Variants in PLD1 observed in about 807,000 individuals in gnomAD.
The protein encoded by PLD1 is choline phosphatase 1.
Under a neutral mutation model 137.1 loss-of-function variants are expected in PLD1, and 112 were observed. That is an observed-to-expected ratio of 0.82 (90% confidence interval 0.70 to 0.96). PLD1 has a LOEUF of 0.96. PLD1 is among the 40% of genes least tolerant of loss of function. The pLI is 0.00. For missense variants in PLD1, 1,321 were observed against 1,342.0 expected (o/e 0.98, Z 0.24); for synonymous variants, 431 against 454.7 (o/e 0.95, Z 0.66).
intron 11 of PLD1, among the ~76,000 whole-genome samples, chr3:171,705,211 A>G (rs1716587389): frequency 6.6e-6 from 1 of 152,224 alleles, no homozygotes; most frequent in African/African-American, 2.4e-5. Context: ...GAAGGAGGAG[A>G]GAAAGAGGAA....
At chr3:171,620,135 T>C (rs1733464892) in intron 24 of PLD1, among the ~76,000 whole-genome samples, 4 of 152,330 alleles carry the variant, frequency 2.6e-5, no homozygotes, top group African/African-American at 7.2e-5. Flanking sequence ...GTGATTGTTA[T>C]ACATTGTATG....
At position 171,642,356 on chromosome 3, in the gene PLD1, C is replaced by T. The variant is rs571832914; in HGVS notation, c.2593+484G>A. Among the ~76,000 whole-genome samples, 283 of 148,946 alleles carry T rather than the reference C, an allele frequency of 1.9e-3. 1 individual carries two copies. Among genetic ancestry groups the T allele is most frequent in the African/African-American group, 6.8e-3 (274 of 40,118 alleles). On this transcript the variant is annotated intron_variant, in intron 23 of 26. Transcript: ENST00000351298. ...CCTGTAATCCCAGCTACTCGGGAGGCTGAGGCAAAAGAACTGCTTGAACCC... is the reference window on the plus strand; with the variant it reads ...CCTGTAATCCCAGCTACTCGGGAGGTTGAGGCAAAAGAACTGCTTGAACCC...
chr3:171,614,496 T>C (rs1018019787), intron 24 of PLD1, among the ~76,000 whole-genome samples: 1 of 152,234 alleles, frequency 6.6e-6, no homozygotes, highest in Admixed American at 6.5e-5. Context: ...ATTTACAAGC[T>C]GCTCTACAAA....
intron 24 of PLD1, among the ~76,000 whole-genome samples, chr3:171,617,149 C>G (rs1410063600): frequency 6.6e-6 from 1 of 152,188 alleles, no homozygotes; most frequent in Non-Finnish European, 1.5e-5. Context: ...AAATAAGAAC[C>G]AGGCATTGGT....
Position 171,709,650 on chromosome 3 carries a change from T to G in PLD1, c.971A>C (p.Glu324Ala), listed in dbSNP as rs138886146. 2 of 1,614,112 alleles carry G rather than the reference T, an allele frequency of 1.2e-6. No homozygotes were observed. Among genetic ancestry groups the G allele is most frequent in the African/African-American group, 1.3e-5 (1 of 75,064 alleles). ...RHARWWGGAI[E>A]EFIQKHGTNF... ...GGTGCCATGTTTCTGGATGAATTCTTCTATAGCCCCTCCCCACCACCGAGC... is the reference window on the plus strand; with the variant it reads ...GGTGCCATGTTTCTGGATGAATTCTGCTATAGCCCCTCCCCACCACCGAGC... Residue 324 changes from glutamate (E) to alanine (A), a missense_variant, in exon 10 of 27, where the codon GAA becomes GCA. Coordinates refer to ENST00000351298, the MANE Select transcript of PLD1 (RefSeq NM_002662.5).
chr3:171,610,112 A>G (rs1732533914), intron 25 of PLD1, among the ~76,000 whole-genome samples: 1 of 152,180 alleles, frequency 6.6e-6, no homozygotes, highest in African/African-American at 2.4e-5. Context: ...GCCCTCTAAA[A>G]TATTGCCAGT....
At chr3:171,764,844 A>AAT (rs1721715988) in intron 1 of PLD1, among the ~76,000 whole-genome samples, 1 of 16,530 alleles carries the variant, frequency 6.0e-5, no homozygotes, top group East Asian at 5.7e-4. Flanking sequence ...AGAAAGAAAG[A>AAT]AAGAAAGAAA....
At chr3:171,731,657 A>C (rs1218266742) in intron 6 of PLD1, among the ~76,000 whole-genome samples, 3 of 152,122 alleles carry the variant, frequency 2.0e-5, no homozygotes, top group African/African-American at 7.2e-5. Flanking sequence ...CTGTAGTCCC[A>C]GCTACTTGGG....
intron 6 of PLD1, among the ~76,000 whole-genome samples, chr3:171,732,564 T>C (rs975640529): frequency 3.9e-5 from 6 of 152,228 alleles, no homozygotes; most frequent in African/African-American, 1.4e-4. Context: ...CTCTCCAAAA[T>C]ACACTAAAGT....
chr3:171,749,962 G>A (rs1019904361), intron 1 of PLD1, among the ~76,000 whole-genome samples: 3 of 152,062 alleles, frequency 2.0e-5, no homozygotes, highest in Non-Finnish European at 4.4e-5. Flanking sequence ...TTAAATGACT[G>A]GAAAACAAAA....
chr3:171,678,172 T>C (rs1349971685), intron 16 of PLD1, among the ~76,000 whole-genome samples: 1 of 152,188 alleles, frequency 6.6e-6, no homozygotes, highest in African/African-American at 2.4e-5. Context: ...GGTGCACACC[T>C]GATGCATAAT....
intron 11 of PLD1, among the ~76,000 whole-genome samples, chr3:171,702,490 A>T (rs1036890448): frequency 3.3e-5 from 5 of 151,558 alleles, no homozygotes; most frequent in African/African-American, 1.2e-4. Context: ...CCTGTCTCAA[A>T]AAAAAAAAAG....
chr3:171,698,976 C>G (rs938330935), intron 12 of PLD1, among the ~76,000 whole-genome samples: 1 of 77,242 alleles, frequency 1.3e-5, no homozygotes, highest in Non-Finnish European at 2.6e-5. Flanking sequence ...AACCCCATCT[C>G]AAAAAAAAAA....
rs1036195585 is a variant in PLD1, at chr3:171,673,166, T to A, written c.2229+1334A>T. On this transcript the variant is annotated intron_variant, in intron 19 of 26. Transcript: ENST00000351298. ...CGTAGAATAAAATTAAACAGGTTCA[T>A]AAAATATTCATCAACTTACATATAA... Among the ~76,000 whole-genome samples, 172 of 152,350 alleles carry A rather than the reference T, an allele frequency of 1.1e-3. 2 individuals are homozygous for A. Among genetic ancestry groups the A allele is most frequent in the Non-Finnish European group, 6.8e-4 (46 of 68,032 alleles).
rs76533278 is a variant in PLD1, at chr3:171,712,533, G to A, written c.911+1360C>T. 6.2e-3 allele frequency among the ~76,000 whole-genome samples: 937 copies of A among 152,312 alleles called. 7 individuals are homozygous for A. The highest frequency in any genetic ancestry group is 0.022 in the African/African-American group (898 of 41,564). ...AAAGGGAAAGAGGCAAGAAAAAAAT[G>A]CTGCCTTCATAGAACCTGCAAGGCG... is the stretch of plus-strand genomic sequence containing the variant. On this transcript the variant is annotated intron_variant, in intron 9 of 26. Coordinates refer to ENST00000351298, the MANE Select transcript of PLD1 (RefSeq NM_002662.5).
In PLD1 at chr3:171,602,857, A is replaced by G. The variant is rs754899810; in HGVS notation, c.*221T>C. 22 of 567,044 alleles carry G rather than the reference A, an allele frequency of 3.9e-5. No individual in the cohort carries two copies. Among genetic ancestry groups the G allele is most frequent in the Middle Eastern group, 4.7e-4 (1 of 2,132 alleles). The allele number at this position is 567,044 out of a possible 1,614,324, so 35.1% of individuals were successfully genotyped here. On this transcript the variant is annotated 3_prime_UTR_variant, in exon 27 of 27. Coordinates refer to ENST00000351298, the MANE Select transcript of PLD1 (RefSeq NM_002662.5). Reference sequence around the variant, plus strand: ...GAGTACATGCTACCAACAAGAATGCAGCCCCCTTTTTACAAGTTAGGCAGA... The same window carrying G: ...GAGTACATGCTACCAACAAGAATGCGGCCCCCTTTTTACAAGTTAGGCAGA...
intron 23 of PLD1, among the ~76,000 whole-genome samples, chr3:171,630,071 C>G (rs1198293526): frequency 1.3e-5 from 2 of 151,854 alleles, no homozygotes; most frequent in Non-Finnish European, 2.9e-5. Context: ...TCAGAGTGAA[C>G]AGGCAACCTA....
At chr3:171,806,942 T>G (rs918701752) in intron 1 of PLD1, among the ~76,000 whole-genome samples, 2 of 152,216 alleles carry the variant, frequency 1.3e-5, no homozygotes, top group African/African-American at 4.8e-5. Flanking sequence ...CAGTAATGTA[T>G]TAGGTCTTTC....
chr3:171,759,713 T>G (rs1177003558), intron 1 of PLD1, among the ~76,000 whole-genome samples: 1 of 152,284 alleles, frequency 6.6e-6, no homozygotes, highest in African/African-American at 2.4e-5. Flanking sequence ...CCGTTTTGTT[T>G]CATGTAGCAT....
Sources: gnomAD v4.1 joint callset for allele counts (sites outside exome capture counted in the v4.1 genomes callset) on GRCh38, gnomAD v4.1.1 for gene constraint, MANE v1.5 for transcripts, NCBI Gene and HGNC (gene_info 2026-07-23, HGNC 2026-07-21) for gene names.